The following PTGER2 variants were observed in gnomAD, a reference collection of about 807,000 sequenced individuals.
PTGER2 encodes the protein prostaglandin E2 receptor EP2 subtype.
A neutral mutation model predicts 26.2 loss-of-function variants in PTGER2; 22 were observed. The observed-to-expected ratio is 0.84, with a 90% CI of 0.60 to 1.20. The LOEUF is 1.20. Ranked by LOEUF, PTGER2 falls within the 50% of genes most tolerant of loss-of-function variation. The pLI is 0.00. For synonymous variants in PTGER2, 219 were observed against 208.9 expected (o/e 1.05, Z -0.42); for missense variants, 458 against 475.2 (o/e 0.96, Z 0.34).
At chr14:52,315,650 G>A (rs1302142598) in intron 1 of PTGER2, among the ~76,000 whole-genome samples, 1 of 151,982 alleles carries the variant, frequency 6.6e-6, no homozygotes, top group Non-Finnish European at 1.5e-5. Context: ...CTGGGCCTCA[G>A]CTAAGCTAGC....
chr14:52,326,579 T>G (rs1263402518), intron 1 of PTGER2, among the ~76,000 whole-genome samples: 1 of 152,202 alleles, frequency 6.6e-6, no homozygotes, highest in South Asian at 2.1e-4. Flanking sequence ...ATCTTGCCAT[T>G]GATCTCAAAC....
intron 1 of PTGER2, among the ~76,000 whole-genome samples, chr14:52,319,467 C>T (rs1293358902): frequency 6.6e-6 from 1 of 152,190 alleles, no homozygotes; most frequent in Non-Finnish European, 1.5e-5. Flanking sequence ...ATTTTGGCTG[C>T]CCAGTATGAA....
chr14:52,315,088 G>T lies in PTGER2; in HGVS notation c.540G>T (p.Gln180His). The T allele has an allele frequency of 6.2e-7, 1 of 1,610,848 alleles. No homozygotes were observed. The highest frequency in any genetic ancestry group is 8.5e-7 in the Non-Finnish European group (1 of 1,179,868). ...TGCTGGACTATGGGCAGTACGTCCA[G>T]TACTGCCCCGGGACCTGGTGCTTCA... ...LPLLDYGQYV[Q>H]YCPGTWCFIR... is the part of the protein sequence containing the mutation. Residue 180 changes from glutamine (Q) to histidine (H), a missense_variant, in exon 1 of 2, where the codon CAG becomes CAT. Transcript: ENST00000245457.
In PTGER2 at chr14:52,327,264, G is replaced by A. The variant is rs2033960200; in HGVS notation, c.887G>A (p.Trp296Ter). Residue 296 changes from tryptophan (W) to a stop codon, truncating the protein, a stop_gained, in exon 2 of 2, where the codon TGG (tryptophan) becomes TAG (stop). Coordinates refer to ENST00000245457, the MANE Select transcript of PTGER2 (RefSeq NM_000956.4). LOFTEE classifies it high-confidence loss of function. ...MNETSSRKEKWDLQALRFLSI... is the reference protein window; with the variant it reads ...MNETSSRKEK ...GAAACCTCTTCCCGAAAGGAAAAAT[G>A]GGACCTCCAAGCTCTTAGGTTTTTA... 6.2e-7 allele frequency: 1 copy of A among 1,612,946 alleles called. No homozygotes were observed. The highest frequency in any genetic ancestry group is 8.5e-7 in the Non-Finnish European group (1 of 1,179,376).
chr14:52,314,893 C>T lies in PTGER2; in HGVS notation c.345C>T (p.Ala115=), dbSNP rs1433384915. The T allele has an allele frequency of 3.1e-6, 5 of 1,612,982 alleles. No individual in the cohort carries two copies. The highest frequency in any genetic ancestry group is 1.7e-5 in the Admixed American group (1 of 60,002). The part of the protein sequence containing the change: ...ESRACTYFAF[A]MTFFSLATML... ...GCGCGTGCACCTACTTCGCTTTCGC[C>T]ATGACCTTCTTCAGCCTGGCCACGA... Residue 115 remains alanine (A), a synonymous_variant, in exon 1 of 2, where the codon GCC becomes GCT. Coordinates refer to ENST00000245457, the MANE Select transcript of PTGER2 (RefSeq NM_000956.4). This position sits in a 1 kb window ranked among gnomAD's most constrained non-coding sequence, Gnocchi z 5.7.
Position 52,315,117 on chromosome 14 carries a change from G to A in PTGER2, c.569G>A (p.Arg190Gln), listed in dbSNP as rs755143740. 3 of 1,609,880 alleles carry A rather than the reference G, an allele frequency of 1.9e-6. No homozygotes were observed. Among genetic ancestry groups the A allele is most frequent in the African/African-American group, 1.3e-5 (1 of 74,922 alleles). ...TGCCCCGGGACCTGGTGCTTCATCC[G>A]GCACGGGCGGACCGCTTACCTGCAG... Reference protein sequence around the residue: ...QYCPGTWCFIRHGRTAYLQLY... With the variant: ...QYCPGTWCFIQHGRTAYLQLY... Residue 190 changes from arginine to glutamine, a missense_variant, in exon 1 of 2, where the codon CGG (arginine) becomes CAG (glutamine). Transcript: ENST00000245457.
In PTGER2 at chr14:52,315,025, C is replaced by T; in HGVS notation, c.477C>T (p.Val159=). ...CCGGGGGCCTGGCCGTGCTGCCTGT[C>T]ATCTATGCAGTCTCCCTGCTCTTCT... ...SRSGGLAVLP[V]IYAVSLLFCS... The change falls in exon 1 of 2, where the codon GTC becomes GTT. Residue 159 remains valine, a synonymous_variant. Coordinates refer to ENST00000245457, the MANE Select transcript of PTGER2 (RefSeq NM_000956.4). The T allele has an allele frequency of 6.2e-7, 1 of 1,613,426 alleles. No homozygotes were observed. Among genetic ancestry groups the T allele is most frequent in the East Asian group, 2.2e-5 (1 of 44,876 alleles).
At chr14:52,316,552 A>C (rs2033843167) in intron 1 of PTGER2, among the ~76,000 whole-genome samples, 1 of 152,226 alleles carries the variant, frequency 6.6e-6, no homozygotes, top group Admixed American at 6.5e-5. Flanking sequence ...AGAGATGGGC[A>C]GTGCCTACTA....
rs184988709 is a variant in PTGER2 at position 52,323,913 on chromosome 14, A to G, written c.844-3308A>G. The stretch of plus-strand genomic sequence containing the variant: ...ATTGGTAGTGCACACAAAAAGATGG[A>G]TAACTTCTACCAACCTCTGAAACTG... On this transcript the variant is annotated intron_variant, in intron 1 of 1. Transcript: ENST00000245457. Among the ~76,000 whole-genome samples the G allele has an allele frequency of 1.5e-3, 225 of 152,356 alleles. 2 individuals are homozygous for G. Among genetic ancestry groups the G allele is most frequent in the Middle Eastern group, 3.4e-3 (1 of 294 alleles).
At chr14:52,318,948 G>C (rs531951316) in intron 1 of PTGER2, among the ~76,000 whole-genome samples, 1 of 152,320 alleles carries the variant, frequency 6.6e-6, no homozygotes, top group East Asian at 1.9e-4. Flanking sequence ...GAAATAGTAT[G>C]ATGATTTCTA....
rs138860157 is a variant in PTGER2 at position 52,324,135 on chromosome 14, G to A, written c.844-3086G>A. 1.7e-3 allele frequency among the ~76,000 whole-genome samples: 253 copies of A among 152,166 alleles called. 1 individual carries two copies. Among genetic ancestry groups the A allele is most frequent in the African/African-American group, 5.7e-3 (237 of 41,492 alleles). On this transcript the variant is annotated intron_variant, in intron 1 of 1. Transcript: ENST00000245457. ...TGGTTGCTGTTCTTTGTTCTTTTAC[G>A]TGGATGCAGTCAAGTGCATCCACAA...
intron 1 of PTGER2, among the ~76,000 whole-genome samples, chr14:52,323,337 T>C (rs1437367785): frequency 6.6e-6 from 1 of 152,184 alleles, no homozygotes; most frequent in African/African-American, 2.4e-5. Context: ...TACTACAACC[T>C]CTGCCTCCTA....
Position 52,327,642 on chromosome 14 carries a change from G to C in PTGER2, c.*188G>C. The C allele has an allele frequency of 1.8e-6, 1 of 560,866 alleles. No individual in the cohort carries two copies. Among genetic ancestry groups the C allele is most frequent in the Non-Finnish European group, 3.1e-6 (1 of 324,032 alleles). 34.7% of individuals were successfully genotyped at this position (560,866 alleles called of 1,614,324 possible). On this transcript the variant is annotated 3_prime_UTR_variant, in exon 2 of 2. Transcript: ENST00000245457. ...GGCACTTCATGTAAAGTGTCAGAAG[G>C]AGCTACAAAACCTACCCTCAGTGAG...
rs1451620326 is a variant in PTGER2, at chr14:52,328,120, C to G, written c.*666C>G. On this transcript the variant is annotated 3_prime_UTR_variant, in exon 2 of 2. Coordinates refer to ENST00000245457, the MANE Select transcript of PTGER2 (RefSeq NM_000956.4). Reference sequence around the variant, plus strand: ...TGTCAGGTTATTTATTTTATAATGTCCATATGCTAATAGTGATCAAGAAGA... The same window carrying G: ...TGTCAGGTTATTTATTTTATAATGTGCATATGCTAATAGTGATCAAGAAGA... 6.6e-6 allele frequency: 1 copy of G among 152,486 alleles called. No individual in the cohort carries two copies. The highest frequency in any genetic ancestry group is 2.4e-5 in the African/African-American group (1 of 41,428). 9.4% of individuals were successfully genotyped at this position (152,486 alleles called of 1,614,324 possible).
In PTGER2 at chr14:52,315,097, C is replaced by T. The variant is rs1319087080; in HGVS notation, c.549C>T (p.Pro183=). Residue 183 remains proline, a synonymous_variant, in exon 1 of 2, where the codon CCC becomes CCT. Coordinates refer to ENST00000245457, the MANE Select transcript of PTGER2 (RefSeq NM_000956.4). ...ATGGGCAGTACGTCCAGTACTGCCCCGGGACCTGGTGCTTCATCCGGCACG... is the reference window on the plus strand; with the variant it reads ...ATGGGCAGTACGTCCAGTACTGCCCTGGGACCTGGTGCTTCATCCGGCACG... The part of the protein sequence containing the change: ...LDYGQYVQYC[P]GTWCFIRHGR... 4.3e-6 allele frequency: 7 copies of T among 1,611,022 alleles called. No individual in the cohort carries two copies. In the African/African-American group the frequency reaches 9.3e-5, roughly 22 times the overall value.
At chr14:52,326,711 A>G (rs982024813) in intron 1 of PTGER2, among the ~76,000 whole-genome samples, 4 of 152,200 alleles carry the variant, frequency 2.6e-5, no homozygotes, top group South Asian at 4.1e-4. Flanking sequence ...TTTGGAAGTA[A>G]ATGTAACATG....
At position 52,327,223 on chromosome 14, in the gene PTGER2, T is replaced by C; in HGVS notation, c.846T>C (p.Ile282=). 1 of 1,585,862 alleles carries C rather than the reference T, an allele frequency of 6.3e-7. No individual in the cohort carries two copies. Among genetic ancestry groups the C allele is most frequent in the Non-Finnish European group, 8.7e-7 (1 of 1,155,738 alleles). Residue 282 remains isoleucine, a splice_region_variant and synonymous_variant, in exon 2 of 2, where the codon ATT becomes ATC. Transcript: ENST00000245457. The stretch of plus-strand genomic sequence containing the variant: ...TTTTTCCCCTTTGCTTCTTACAGAT[T>C]TTTGCATATATGAATGAAACCTCTT... ...TFAVCSLPFT[I]FAYMNETSSR... is the part of the protein sequence containing the mutation.
intron 1 of PTGER2, among the ~76,000 whole-genome samples, chr14:52,318,739 C>A (rs1480493831): frequency 6.6e-6 from 1 of 152,148 alleles, no homozygotes; most frequent in East Asian, 1.9e-4. Flanking sequence ...AAGGTTTGGG[C>A]AGGTTGGAAT....
intron 1 of PTGER2, among the ~76,000 whole-genome samples, chr14:52,322,101 G>A (rs1445128012): frequency 6.6e-6 from 1 of 152,072 alleles, no homozygotes; most frequent in Non-Finnish European, 1.5e-5. Flanking sequence ...TGGGTATCGG[G>A]GGAACTCACC....
Sources: allele counts gnomAD v4.1 joint callset (sites outside exome capture counted in the v4.1 genomes callset), GRCh38; gene constraint gnomAD v4.1.1; non-coding constraint Gnocchi (gnomAD v3.1); transcripts MANE v1.5; gene names NCBI Gene and HGNC (gene_info 2026-07-23, HGNC 2026-07-21).